Variants in GALNT13 observed in about 807,000 individuals in gnomAD.
GALNT13 encodes UDP-GalNAc:polypeptide N-acetylgalactosaminyltransferase 13.
GALNT13 carries 28 observed loss-of-function variants against 64.2 expected under a neutral mutation model. The ratio of observed to expected loss-of-function variants is 0.44; its 90% CI spans 0.32 to 0.60. The LOEUF (loss-of-function observed/expected upper bound fraction) is 0.60, where lower values mean the gene tolerates loss of function less well. Ranked by LOEUF, GALNT13 falls within the 20% of genes least tolerant of loss-of-function variation. GALNT13 has a pLI of 0.05. For synonymous variants in GALNT13, 214 were observed against 224.6 expected (o/e 0.95, Z 0.42); for missense variants, 577 against 669.8 (o/e 0.86, Z 1.53).
chr2:154,040,828 T>C (rs185435306), intron 3 of GALNT13, among the ~76,000 whole-genome samples: 4 of 140,510 alleles, frequency 2.8e-5, no homozygotes, highest in East Asian at 2.0e-4. Flanking sequence ...AAAAATACTT[T>C]TATTTTTCAT....
chr2:153,459,894 A>T, the GALNT13 span, among the ~76,000 whole-genome samples: 5,966 of 152,228 alleles, frequency 0.039, 133 homozygotes, highest in Middle Eastern at 0.071. Flanking sequence ...TCACTAGAAA[A>T]CTATATACAT....
At chr2:153,333,449 T>C in the GALNT13 span, among the ~76,000 whole-genome samples, 1 of 152,180 alleles carries the variant, frequency 6.6e-6, no homozygotes, top group Non-Finnish European at 1.5e-5. Context: ...AATGGTGTCC[T>C]TCACAATTCT....
At chr2:154,066,217 A>G (rs1700455534) in intron 3 of GALNT13, among the ~76,000 whole-genome samples, 1 of 152,154 alleles carries the variant, frequency 6.6e-6, no homozygotes, top group Non-Finnish European at 1.5e-5. Context: ...ATTGAAGCAC[A>G]CCTACAGGAT....
At chr2:153,671,242 A>T in the GALNT13 span, among the ~76,000 whole-genome samples, 2 of 152,190 alleles carry the variant, frequency 1.3e-5, no homozygotes, top group Admixed American at 1.3e-4. Flanking sequence ...CCCAAGACAC[A>T]TGATCGTTAG....
At chr2:154,398,771 A>G (rs1699168550) in intron 10 of GALNT13, among the ~76,000 whole-genome samples, 1 of 152,216 alleles carries the variant, frequency 6.6e-6, no homozygotes, top group Non-Finnish European at 1.5e-5. Context: ...GACTGAAGAC[A>G]TAAAACATCT....
the GALNT13 span, among the ~76,000 whole-genome samples, chr2:153,486,289 GTGTC>G: frequency 4.3e-4 from 65 of 152,114 alleles, no homozygotes; most frequent in African/African-American, 1.3e-3. Context: ...TGTAGAGACT[GTGTC>G]TGTCTATTTT....
At chr2:153,739,384 T>A in the GALNT13 span, among the ~76,000 whole-genome samples, 1 of 151,388 alleles carries the variant, frequency 6.6e-6, no homozygotes, top group Non-Finnish European at 1.5e-5. Flanking sequence ...CCGTAAAAAA[T>A]GGAATTATAT....
the GALNT13 span, among the ~76,000 whole-genome samples, chr2:153,860,274 T>C: frequency 1.3e-5 from 2 of 152,250 alleles, no homozygotes; most frequent in Non-Finnish European, 2.9e-5. Context: ...CTTTGAGTCC[T>C]GACGAACAGA....
At chr2:153,423,376 A>T in the GALNT13 span, 20 of 152,022 alleles carry the variant, frequency 1.3e-4, no homozygotes, top group South Asian at 4.1e-3. Flanking sequence ...TATGAAAAAA[A>T]GTTAGCTACC....
In GALNT13 at chr2:154,362,452, C is replaced by T. The variant is rs1697128872; in HGVS notation, c.1157-33539C>T. On this transcript the variant is annotated intron_variant, in intron 9 of 12. Transcript: ENST00000392825. ...TTCCTCTCTCTCTTTCTCTTTTTCT[C>T]TCGGAGAATGTTTAGCATATGAGCA... is the stretch of plus-strand genomic sequence containing the variant. 3.9e-5 allele frequency among the ~76,000 whole-genome samples: 6 copies of T among 152,016 alleles called. No homozygotes were observed. The South Asian group carries it at 1.2e-3, about 32-fold the overall frequency.
chr2:153,510,850 A>C, the GALNT13 span, among the ~76,000 whole-genome samples: 3 of 151,930 alleles, frequency 2.0e-5, no homozygotes, highest in African/African-American at 7.3e-5. Flanking sequence ...TGTAGGTTTC[A>C]ACTGAAGAAA....
At chr2:153,911,332 A>C (rs1235389836) in intron 2 of GALNT13, among the ~76,000 whole-genome samples, 1 of 152,156 alleles carries the variant, frequency 6.6e-6, no homozygotes, top group Non-Finnish European at 1.5e-5. Context: ...TCTTGAAGAC[A>C]GCATACCACT....
intron 9 of GALNT13, among the ~76,000 whole-genome samples, chr2:154,335,844 C>T (rs1025778631): frequency 3.3e-5 from 5 of 151,910 alleles, no homozygotes; most frequent in African/African-American, 1.2e-4. Flanking sequence ...AGTTAAACTG[C>T]TGGAATAAGT....
chr2:154,140,171 TC>T (rs1409562403), intron 3 of GALNT13, among the ~76,000 whole-genome samples, 165 bp from the exon 4 acceptor site: 1 of 152,124 alleles, frequency 6.6e-6, no homozygotes, highest in Non-Finnish European at 1.5e-5. Flanking sequence ...TTGATGTTTT[TC>T]TTTAGCAGAG....
At chr2:154,312,180 CAGT>C (rs1292104473) in intron 9 of GALNT13, among the ~76,000 whole-genome samples, 1 of 137,378 alleles carries the variant, frequency 7.3e-6, no homozygotes, top group Non-Finnish European at 1.6e-5. Context: ...TTAGAGATTG[CAGT>C]AAAGACAGGC....
the GALNT13 span, among the ~76,000 whole-genome samples, chr2:153,160,643 C>T: frequency 6.6e-6 from 1 of 152,026 alleles, no homozygotes; most frequent in African/African-American, 2.4e-5. Context: ...AAGCATGTGT[C>T]CATAGTGGGA....
chr2:153,478,882 A>C, the GALNT13 span: 2 of 340,256 alleles, frequency 5.9e-6, no homozygotes. Context: ...CGGCGGCTGC[A>C]GCGGCGGGGT....
At chr2:153,981,863 G>C (rs368279959) in intron 3 of GALNT13, among the ~76,000 whole-genome samples, 1 of 151,892 alleles carries the variant, frequency 6.6e-6, no homozygotes, top group East Asian at 1.9e-4. Context: ...AGAATAGCCT[G>C]ATATGTATAT....
chr2:153,378,631 G>A, the GALNT13 span, among the ~76,000 whole-genome samples: 1 of 152,028 alleles, frequency 6.6e-6, no homozygotes, highest in Non-Finnish European at 1.5e-5. Flanking sequence ...TGTTTCCAGA[G>A]GCCAAGAGTT....
Sources: allele counts gnomAD v4.1 joint callset (sites outside exome capture counted in the v4.1 genomes callset), GRCh38; gene constraint gnomAD v4.1.1; transcripts MANE v1.5; gene names NCBI Gene and HGNC (gene_info 2026-07-23, HGNC 2026-07-21).